The following C7orf57 variants were observed in gnomAD, a reference collection of about 807,000 sequenced individuals.
C7orf57 encodes the protein uncharacterized protein C7orf57.
C7orf57 carries 33 observed loss-of-function variants against 39.0 expected under a neutral mutation model. The ratio of observed to expected loss-of-function variants is 0.85; its 90% confidence interval spans 0.64 to 1.13. The LOEUF is 1.13. Among genes scored for constraint, C7orf57 ranks in the 50% most tolerant of loss-of-function variants. The pLI, the probability that C7orf57 is intolerant of heterozygous loss-of-function variation, is 0.00. For missense variants in C7orf57, 346 were observed against 362.3 expected, an observed-to-expected ratio of 0.95 and a Z score of 0.37; for synonymous variants, 124 against 137.1, an observed-to-expected ratio of 0.90 and a Z score of 0.67.
At position 48,052,986 on chromosome 7, in the gene C7orf57, C is replaced by T. The variant is rs1192492167; in HGVS notation, c.829+63C>T. ...TGGTTAATTGTGATGCAGCAGCTGA[C>T]GTTCTTATCACATGATGCGTCTCGT... is the stretch of plus-strand genomic sequence containing the variant. On this transcript the variant is annotated intron_variant, in intron 7 of 8. Transcript: ENST00000348904. The T allele has an allele frequency of 3.1e-5, 41 of 1,314,110 alleles. No homozygotes were observed. The Admixed American group carries it at 6.6e-4, about 21-fold the overall frequency. The allele number at this position is 1,314,110 out of a possible 1,614,324, so 81.4% of individuals were successfully genotyped here. A position where few individuals can be genotyped will look rare whatever the true frequency, so the allele number is the denominator to read the frequency against.
chr7:48,054,866 TG>T, intron 8 of C7orf57, among the ~76,000 whole-genome samples: 1 of 151,388 alleles, frequency 6.6e-6, no homozygotes, highest in East Asian at 1.9e-4. Context: ...ATGATGATGA[TG>T]ATTATTATTA....
At chr7:48,056,500 TC>T (rs1791119476) in intron 8 of C7orf57, among the ~76,000 whole-genome samples, 1 of 152,070 alleles carries the variant, frequency 6.6e-6, no homozygotes. Flanking sequence ...TGGTGTTCTG[TC>T]CAAAAAATCA....
chr7:48,044,398 T>G (rs1790652702), intron 4 of C7orf57, among the ~76,000 whole-genome samples: 1 of 152,202 alleles, frequency 6.6e-6, no homozygotes, highest in African/African-American at 2.4e-5. Flanking sequence ...TGCCTGGGTT[T>G]ATATGCCGAT....
At position 48,044,215 on chromosome 7, in the gene C7orf57, C is replaced by T. The variant is rs182416818; in HGVS notation, c.350+626C>T. Among the ~76,000 whole-genome samples the T allele has an allele frequency of 9.8e-3, 1,493 of 152,190 alleles. 19 individuals carry two copies. The highest frequency in any genetic ancestry group is 0.015 in the Non-Finnish European group (1,019 of 67,990). On this transcript the variant is annotated intron_variant, in intron 4 of 8. Coordinates refer to ENST00000348904, the MANE Select transcript of C7orf57 (RefSeq NM_001100159.3). The stretch of plus-strand genomic sequence containing the variant: ...CCGGATCCGGAGAGGTGGAAATTAG[C>T]GGCGGGTCTGCAACGGAGGCAATCA...
At chr7:48,042,259 T>G (rs1790572511) in intron 3 of C7orf57, among the ~76,000 whole-genome samples, 1 of 152,244 alleles carries the variant, frequency 6.6e-6, no homozygotes, top group Non-Finnish European at 1.5e-5. Context: ...GGACTAGGTG[T>G]GATGCTCAGA....
At chr7:48,054,426 A>AT (rs1306429288) in intron 7 of C7orf57, among the ~76,000 whole-genome samples, 169 bp from the exon 8 acceptor site, 1 of 152,040 alleles carries the variant, frequency 6.6e-6, no homozygotes, top group East Asian at 1.9e-4. Context: ...AAAAAAAAAA[A>AT]AAAAAAAGGT....
chr7:48,051,469 G>A (rs1790876077), intron 6 of C7orf57, among the ~76,000 whole-genome samples: 1 of 149,166 alleles, frequency 6.7e-6, no homozygotes. Context: ...TCCTGCCTCA[G>A]CCTCCTGAGT....
chr7:48,044,435 G>A lies in C7orf57; in HGVS notation c.350+846G>A, dbSNP rs138090204. ...ATTGTCCCTCCCCCTTTGCTCTCAG[G>A]CAATAGATGATTGACTATTTCTTTA... On this transcript the variant is annotated intron_variant, in intron 4 of 8. Transcript: ENST00000348904. Among the ~76,000 whole-genome samples the A allele has an allele frequency of 7.5e-4, 114 of 152,318 alleles. 1 individual carries two copies. Among genetic ancestry groups the A allele is most frequent in the African/African-American group, 2.5e-3 (102 of 41,562 alleles).
intron 5 of C7orf57, among the ~76,000 whole-genome samples, chr7:48,048,830 C>G (rs1428478965): frequency 6.6e-6 from 1 of 152,048 alleles, no homozygotes; most frequent in South Asian, 2.1e-4. Context: ...CTTGGACAAG[C>G]CTCTCATTCT....
intron 2 of C7orf57, among the ~76,000 whole-genome samples, chr7:48,040,704 T>C (rs896227674): frequency 6.6e-6 from 1 of 152,090 alleles, no homozygotes; most frequent in African/African-American, 2.4e-5. Context: ...TACTCGCTCA[T>C]ATGGAGAGAG....
intron 6 of C7orf57, among the ~76,000 whole-genome samples, chr7:48,051,852 T>TTTC (rs1554299773): frequency 1.2e-5 from 1 of 80,668 alleles, no homozygotes; most frequent in African/African-American, 6.8e-5. Context: ...TCTTTCTTTC[T>TTTC]TTCTTTCTTT....
rs779485922 is a variant in C7orf57, at chr7:48,052,877, C to G, written c.783C>G (p.Ala261=). 1.2e-6 allele frequency: 2 copies of G among 1,613,852 alleles called. No individual in the cohort carries two copies. The highest frequency in any genetic ancestry group is 1.7e-6 in the Non-Finnish European group (2 of 1,179,870). The change falls in exon 7 of 9, where the codon GCC becomes GCG. Residue 261 remains alanine, a synonymous_variant. Transcript: ENST00000348904. ...ACCTGGAAGGTCCCCAGGATGCAGCCAGGCTCCAGGATGCAGAGGCTTCTG... is the reference window on the plus strand; with the variant it reads ...ACCTGGAAGGTCCCCAGGATGCAGCGAGGCTCCAGGATGCAGAGGCTTCTG... ...PRDLEGPQDA[A]RLQDAEASEG... is the part of the protein sequence containing the mutation.
At chr7:48,045,634 A>G (rs1790692901) in intron 4 of C7orf57, among the ~76,000 whole-genome samples, 1 of 152,094 alleles carries the variant, frequency 6.6e-6, no homozygotes, top group African/African-American at 2.4e-5. Context: ...GGAGCCCTGA[A>G]CAAGTACAAA....
intron 6 of C7orf57, among the ~76,000 whole-genome samples, chr7:48,052,471 T>G (rs1790983761): frequency 6.6e-6 from 1 of 152,082 alleles, no homozygotes; most frequent in Admixed American, 6.5e-5. Flanking sequence ...TGCTTTGACA[T>G]GCACTTGCTA....
intron 5 of C7orf57, 108 bp downstream of exon 5, chr7:48,046,724 G>A: frequency 8.1e-7 from 1 of 1,231,114 alleles, no homozygotes; most frequent in Non-Finnish European, 1.1e-6. Flanking sequence ...TGTTGCTCGT[G>A]GCATCGGCCA....
In C7orf57 at chr7:48,052,864, C is replaced by T; in HGVS notation, c.770C>T (p.Pro257Leu). ...LSQSPRDLEG[P>L]QDAARLQDAE... ...CAGTCCCCACGAGACCTGGAAGGTC[C>T]CCAGGATGCAGCCAGGCTCCAGGAT... The change falls in exon 7 of 9, where the codon CCC becomes CTC. Residue 257 changes from proline to leucine, a missense_variant. Transcript: ENST00000348904. The T allele has an allele frequency of 6.2e-7, 1 of 1,613,916 alleles. No homozygotes were observed. Among genetic ancestry groups the T allele is most frequent in the Non-Finnish European group, 8.5e-7 (1 of 1,179,872 alleles).
chr7:48,051,415 A>G (rs1210482132), intron 6 of C7orf57, among the ~76,000 whole-genome samples: 1 of 139,548 alleles, frequency 7.2e-6, no homozygotes, highest in Non-Finnish European at 1.5e-5. Context: ...CAGCGGCGCA[A>G]TCTTGGCTCA....
At chr7:48,048,459 G>A (rs1336529250) in intron 5 of C7orf57, among the ~76,000 whole-genome samples, 2 of 152,114 alleles carry the variant, frequency 1.3e-5, no homozygotes, top group African/African-American at 2.4e-5. Context: ...CAGGGTGATC[G>A]GGGGATCTTG....
In C7orf57 at chr7:48,054,617, A is replaced by C; in HGVS notation, c.841+11A>C. 6.5e-7 allele frequency: 1 copy of C among 1,549,136 alleles called. No individual in the cohort carries two copies. Among genetic ancestry groups the C allele is most frequent in the Non-Finnish European group, 8.7e-7 (1 of 1,144,718 alleles). On this transcript the variant is annotated intron_variant, in intron 8 of 8. Coordinates refer to ENST00000348904, the MANE Select transcript of C7orf57 (RefSeq NM_001100159.3). ...CAGAGTCTTCTCAAAGTGAGTACTT[A>C]TAAAGTAACCAGCACCAAAACACAA... is the stretch of plus-strand genomic sequence containing the variant.
Sources: allele counts gnomAD v4.1 joint callset (sites outside exome capture counted in the v4.1 genomes callset), GRCh38; gene constraint gnomAD v4.1.1; transcripts MANE v1.5; gene names NCBI Gene and HGNC (gene_info 2026-07-23, HGNC 2026-07-21).